Variants in USP45 observed in about 807,000 individuals in gnomAD.
USP45 encodes the protein ubiquitin specific peptidase 45.
USP45 carries 89 observed loss-of-function variants against 95.8 expected under a neutral mutation model. The observed-to-expected ratio is 0.93, with a 90% CI of 0.78 to 1.11. The LOEUF (loss-of-function observed/expected upper bound fraction) is 1.11. USP45 is among the 50% of genes least tolerant of loss of function. USP45 has a pLI of 0.00. For missense variants in USP45, 898 were observed against 942.5 expected (o/e 0.95, Z 0.62); for synonymous variants, 281 against 316.2 (o/e 0.89, Z 1.18).
At chr6:99,486,437 A>G (rs1199329209) in intron 7 of USP45, among the ~76,000 whole-genome samples, 1 of 152,150 alleles carries the variant, frequency 6.6e-6, no homozygotes, top group East Asian at 1.9e-4. Context: ...GTCTTTTTAA[A>G]TGACTAGGCA....
chr6:99,486,570 T>C (rs6918880), intron 7 of USP45, among the ~76,000 whole-genome samples: 44,539 of 151,064 alleles, frequency 0.29, 6,824 homozygotes, highest in East Asian at 0.48. Context: ...CGACTATATA[T>C]ACATATATAT....
intron 9 of USP45, among the ~76,000 whole-genome samples, chr6:99,473,416 ATG>A (rs1789945569): frequency 1.3e-5 from 2 of 152,032 alleles, no homozygotes; most frequent in African/African-American, 4.8e-5. Context: ...GCTTGGTGAT[ATG>A]TGTCTGTAAT....
intron 13 of USP45, among the ~76,000 whole-genome samples, chr6:99,463,766 C>G (rs965664294): frequency 7.8e-6 from 1 of 127,980 alleles, no homozygotes; most frequent in Non-Finnish European, 1.6e-5. Flanking sequence ...GAGCCAAGAT[C>G]GCGCCACCTG....
Position 99,468,536 on chromosome 6 carries a change from C to T in USP45, c.1015+1G>A, listed in dbSNP as rs1461835529. The T allele has an allele frequency of 6.3e-7, 1 of 1,586,898 alleles. No individual in the cohort carries two copies. Among genetic ancestry groups the T allele is most frequent in the Non-Finnish European group, 8.6e-7 (1 of 1,159,842 alleles). On this transcript the variant is annotated splice_donor_variant, in intron 10 of 17. Transcript: ENST00000500704. LOFTEE classifies it high-confidence loss of function. The stretch of plus-strand genomic sequence containing the variant: ...AAAGTTTTAACAAAGAGTCAACATA[C>T]CTTTGACTTTTTTTCTAGTTTCATC...
chr6:99,508,737 T>A lies in USP45; in HGVS notation c.146A>T (p.His49Leu). The change falls in exon 3 of 18, where the codon CAT becomes CTT. Residue 49 changes from histidine (H) to leucine (L), a missense_variant. His to Leu is a moderately conservative substitution (Grantham distance 99). Transcript: ENST00000500704. Reference protein sequence around the residue: ...QHVSHAISVNHVKRAIAENLW... With the variant: ...QHVSHAISVNLVKRAIAENLW... The stretch of plus-strand genomic sequence containing the variant: ...ATTCTCAGCTATTGCTCTCTTTACA[T>A]GATTCACGCTGATAGCATGACTTAC... 1 of 1,613,470 alleles carries A rather than the reference T, an allele frequency of 6.2e-7. No homozygotes were observed. The highest frequency in any genetic ancestry group is 1.1e-5 in the South Asian group (1 of 90,936).
chr6:99,489,736 C>A (rs1794753392), intron 5 of USP45, among the ~76,000 whole-genome samples: 1 of 152,082 alleles, frequency 6.6e-6, no homozygotes, highest in African/African-American at 2.4e-5. Context: ...CACTTGAGGT[C>A]AGGAGTTCAA....
At chr6:99,476,060 A>T in intron 9 of USP45, 83 bp downstream of exon 9, 1 of 1,279,126 alleles carries the variant, frequency 7.8e-7, no homozygotes, top group Non-Finnish European at 1.1e-6. Flanking sequence ...CAGATGATCC[A>T]CCCCGCCTTG....
chr6:99,454,776 G>A (rs950739040), intron 13 of USP45, among the ~76,000 whole-genome samples: 1 of 152,128 alleles, frequency 6.6e-6, no homozygotes, highest in African/African-American at 2.4e-5. Flanking sequence ...AATGTAATTA[G>A]TACAGCCATC....
upstream of USP45, among the ~76,000 whole-genome samples, chr6:99,515,990 G>A (rs1353514469): frequency 6.6e-6 from 1 of 151,848 alleles, no homozygotes; most frequent in African/African-American, 2.4e-5. Context: ...TGTTAGCCAG[G>A]ATGGTCTCGA....
At chr6:99,485,110 A>T (rs1793539398) in intron 7 of USP45, among the ~76,000 whole-genome samples, 1 of 149,642 alleles carries the variant, frequency 6.7e-6, no homozygotes, top group South Asian at 2.1e-4. Context: ...CAGGTGGATC[A>T]CTTGAGGTCA....
chr6:99,478,462 G>C (rs1791468041), intron 8 of USP45, among the ~76,000 whole-genome samples: 1 of 152,026 alleles, frequency 6.6e-6, no homozygotes, highest in African/African-American at 2.4e-5. Context: ...ATGAGAAAGA[G>C]GAGAGGACTT....
chr6:99,495,303 G>A (rs1014766976), intron 5 of USP45, among the ~76,000 whole-genome samples: 5 of 152,218 alleles, frequency 3.3e-5, no homozygotes, highest in African/African-American at 1.2e-4. Context: ...CCAATAGTGG[G>A]TTTGTTGTGA....
intron 4 of USP45, among the ~76,000 whole-genome samples, chr6:99,506,627 C>A (rs959822408): frequency 6.6e-6 from 1 of 152,144 alleles, no homozygotes; most frequent in African/African-American, 2.4e-5. Context: ...GTTTTAGTAC[C>A]TGGATTTTTA....
intron 16 of USP45, among the ~76,000 whole-genome samples, chr6:99,439,292 A>C (rs1051004198): frequency 6.6e-6 from 1 of 152,226 alleles, no homozygotes; most frequent in Non-Finnish European, 1.5e-5. Context: ...TTCTGTACCT[A>C]ATTATTAAAG....
rs1184977387 is a variant in USP45, at chr6:99,466,675, T to C, written c.1104A>G (p.Ala368=). 1 of 1,611,808 alleles carries C rather than the reference T, an allele frequency of 6.2e-7. No homozygotes were observed. Among genetic ancestry groups the C allele is most frequent in the African/African-American group, 1.3e-5 (1 of 74,884 alleles). ...AATTGAATTCTAAAGTACCTACATT[T>C]GCACATTCTTCACACATGACCGTGC... ...LTSTVMCEEC[A]NISTVKDPFI... Residue 368 remains alanine, a synonymous_variant, in exon 11 of 18, where the codon GCA becomes GCG. Coordinates refer to ENST00000500704, the MANE Select transcript of USP45 (RefSeq NM_001346022.3).
At chr6:99,502,722 G>A (rs1367972274) in intron 5 of USP45, among the ~76,000 whole-genome samples, 1 of 152,252 alleles carries the variant, frequency 6.6e-6, no homozygotes, top group East Asian at 1.9e-4. Context: ...GATCATGGGA[G>A]TGGGCTTCTC....
At chr6:99,449,273 C>T (rs1783288327) in intron 13 of USP45, among the ~76,000 whole-genome samples, 1 of 152,184 alleles carries the variant, frequency 6.6e-6, no homozygotes, top group South Asian at 2.1e-4. Context: ...TTCAGGAGAC[C>T]CATCTCACGT....
chr6:99,461,959 C>T, intron 13 of USP45: 1 of 985,314 alleles, frequency 1.0e-6, no homozygotes, highest in African/African-American at 1.7e-5. Context: ...TGTAGTTGAA[C>T]TATTGGAAAT....
At chr6:99,454,800 T>C (rs1360120540) in intron 13 of USP45, among the ~76,000 whole-genome samples, 1 of 152,118 alleles carries the variant, frequency 6.6e-6, no homozygotes, top group Admixed American at 6.6e-5. Context: ...GAAAACAGTA[T>C]GGAGATGGCT....
Sources: allele counts gnomAD v4.1 joint callset (sites outside exome capture counted in the v4.1 genomes callset), GRCh38; gene constraint gnomAD v4.1.1; transcripts MANE v1.5; gene names NCBI Gene and HGNC (gene_info 2026-07-23, HGNC 2026-07-21).